The following CCDC12 variants were observed in gnomAD, a reference collection of about 807,000 sequenced individuals.
CCDC12 encodes coiled-coil domain containing 12.
Under a neutral mutation model 25.7 loss-of-function variants are expected in CCDC12, and 28 were observed. The observed-to-expected ratio is 1.09, with a 90% CI of 0.81 to 1.50. CCDC12 has a LOEUF of 1.50. CCDC12 is among the 40% of genes most tolerant of loss of function. The pLI, the probability that CCDC12 is intolerant of heterozygous loss-of-function variation, is 0.00. For missense variants in CCDC12, 198 were observed against 210.0 expected (o/e 0.94, Z 0.35); for synonymous variants, 75 against 87.7 (o/e 0.86, Z 0.81).
chr3:46,926,986 C>A (rs1166601112), intron 2 of CCDC12, among the ~76,000 whole-genome samples: 1 of 152,224 alleles, frequency 6.6e-6, no homozygotes, highest in Non-Finnish European at 1.5e-5. Flanking sequence ...TAGCAAGCGG[C>A]AGTGCTTTGG....
chr3:46,954,086 C>A (rs571891801), intron 1 of CCDC12, among the ~76,000 whole-genome samples: 1 of 140,538 alleles, frequency 7.1e-6, no homozygotes, highest in South Asian at 2.4e-4. Context: ...CACCCAGAAA[C>A]CCCTTCCCCA....
intron 1 of CCDC12, among the ~76,000 whole-genome samples, chr3:46,955,665 G>C (rs895169739): frequency 2.0e-5 from 3 of 152,214 alleles, no homozygotes; most frequent in African/African-American, 4.8e-5. Context: ...CAAGCACTGA[G>C]AACCTGGAGG....
At chr3:46,961,200 G>A (rs991194801) in intron 1 of CCDC12, among the ~76,000 whole-genome samples, 9 of 151,982 alleles carry the variant, frequency 5.9e-5, no homozygotes, top group African/African-American at 2.2e-4. Flanking sequence ...ATGTGGGATA[G>A]GTTACAGAAA....
chr3:46,933,205 G>C (rs1301047329), intron 2 of CCDC12, among the ~76,000 whole-genome samples: 1 of 152,218 alleles, frequency 6.6e-6, no homozygotes, highest in Non-Finnish European at 1.5e-5. Flanking sequence ...CTCAACGGGA[G>C]CCCAGCCTCT....
chr3:46,963,913 G>A (rs534436790), intron 1 of CCDC12, among the ~76,000 whole-genome samples: 8 of 151,656 alleles, frequency 5.3e-5, no homozygotes, highest in South Asian at 2.1e-4. Flanking sequence ...CTGCCTGGCC[G>A]CCCATCGTCT....
chr3:46,951,061 G>A (rs1163807584), intron 1 of CCDC12, among the ~76,000 whole-genome samples: 1 of 152,124 alleles, frequency 6.6e-6, no homozygotes, highest in African/African-American at 2.4e-5. Flanking sequence ...ACAAGGCCAC[G>A]AGGTCAAGGC....
chr3:46,954,696 C>A (rs140334076), intron 1 of CCDC12, among the ~76,000 whole-genome samples: 1,591 of 152,250 alleles, frequency 0.01, 35 homozygotes, highest in African/African-American at 0.036. Context: ...GAGGCCGAGG[C>A]GGGCAGATCA....
At chr3:46,927,731 T>C (rs1005969103) in intron 2 of CCDC12, among the ~76,000 whole-genome samples, 4 of 152,200 alleles carry the variant, frequency 2.6e-5, no homozygotes, top group African/African-American at 9.7e-5. Flanking sequence ...TCCAGCTCTA[T>C]CAAGCTGGGT....
chr3:46,959,213 G>A (rs1443900795), intron 1 of CCDC12, among the ~76,000 whole-genome samples: 1 of 151,792 alleles, frequency 6.6e-6, no homozygotes, highest in Non-Finnish European at 1.5e-5. Context: ...GCTACAAAGC[G>A]TTTTTAAAAA....
chr3:46,943,391 G>C (rs1395832996), intron 1 of CCDC12, among the ~76,000 whole-genome samples: 1 of 152,312 alleles, frequency 6.6e-6, no homozygotes, highest in Non-Finnish European at 1.5e-5. Context: ...CCTACCTCAG[G>C]GGAAGGAGCG....
At chr3:46,967,713 G>GT (rs763847152) in intron 1 of CCDC12, among the ~76,000 whole-genome samples, 5 of 152,098 alleles carry the variant, frequency 3.3e-5, no homozygotes, top group African/African-American at 4.8e-5. Context: ...GTTCATAGCT[G>GT]TATCCCCAGG....
intron 1 of CCDC12, among the ~76,000 whole-genome samples, chr3:46,964,150 G>A (rs1442296685): frequency 2.0e-5 from 3 of 146,670 alleles, no homozygotes; most frequent in East Asian, 2.1e-4. Context: ...CGGCCGCCCC[G>A]TCTGAGAAGT....
chr3:46,971,097 C>A (rs1376630286), intron 1 of CCDC12, among the ~76,000 whole-genome samples: 1 of 152,224 alleles, frequency 6.6e-6, no homozygotes, highest in Non-Finnish European at 1.5e-5. Context: ...CCTCTATGCA[C>A]CTGAATGTTC....
upstream of CCDC12, chr3:46,977,065 T>C: frequency 2.7e-6 from 1 of 376,924 alleles, no homozygotes; most frequent in Non-Finnish European, 4.8e-6. Context: ...AAAGAGTGCG[T>C]CGATCGCTCC....
intron 1 of CCDC12, among the ~76,000 whole-genome samples, chr3:46,974,809 AC>A (rs2034914774): frequency 6.6e-6 from 1 of 152,104 alleles, no homozygotes; most frequent in Non-Finnish European, 1.5e-5. Context: ...CACAGTTTTC[AC>A]CCATCTAAAA....
chr3:46,957,082 C>G (rs1163218420), intron 1 of CCDC12, among the ~76,000 whole-genome samples: 1 of 152,172 alleles, frequency 6.6e-6, no homozygotes, highest in Non-Finnish European at 1.5e-5. Context: ...ACTACAGAAG[C>G]CAAAAGTGCC....
chr3:46,947,452 C>T (rs544102722), intron 1 of CCDC12, among the ~76,000 whole-genome samples: 22 of 152,132 alleles, frequency 1.4e-4, no homozygotes, highest in Non-Finnish European at 2.6e-4. Flanking sequence ...GGCAGTCACC[C>T]GGAGTCTGAC....
chr3:46,958,681 A>G (rs2107175779), intron 1 of CCDC12, among the ~76,000 whole-genome samples: 1 of 152,214 alleles, frequency 6.6e-6, no homozygotes, highest in South Asian at 2.1e-4. Flanking sequence ...GGCAGGGCAA[A>G]GGTTGTGATG....
chr3:46,922,007 C>A lies in CCDC12; in HGVS notation c.*50G>T. The A allele has an allele frequency of 6.3e-7, 1 of 1,597,356 alleles. No homozygotes were observed. Among genetic ancestry groups the A allele is most frequent in the South Asian group, 1.1e-5 (1 of 90,434 alleles). Reference sequence around the variant, plus strand: ...CCTAGCCCCCATCCCTGCCCAAGACCATCCTCTGCAGGACAGGCCTGATGG... The same window carrying A: ...CCTAGCCCCCATCCCTGCCCAAGACAATCCTCTGCAGGACAGGCCTGATGG... On this transcript the variant is annotated 3_prime_UTR_variant, in exon 7 of 7. Transcript: ENST00000683445.
Sources: gnomAD v4.1 joint callset for allele counts (sites outside exome capture counted in the v4.1 genomes callset) on GRCh38, gnomAD v4.1.1 for gene constraint, MANE v1.5 for transcripts, NCBI Gene and HGNC (gene_info 2026-07-23, HGNC 2026-07-21) for gene names.